SYNJ1: variants seen among roughly 807,000 people sequenced by gnomAD.
The protein encoded by SYNJ1 is synaptojanin 1, also known as polyphosphatidylinositol phosphatase SYNJ1.
A neutral mutation model predicts 168.2 loss-of-function variants in SYNJ1; 78 were observed. The ratio of observed to expected loss-of-function variants is 0.46; its 90% CI spans 0.39 to 0.56. The LOEUF is 0.56. Ranked by LOEUF, SYNJ1 falls within the 20% of genes least tolerant of loss-of-function variation. The pLI is 0.00. For missense variants in SYNJ1, 1,303 were observed against 1,597.6 expected (o/e 0.82, Z 3.14); for synonymous variants, 539 against 548.6 (o/e 0.98, Z 0.24).
chr21:32,721,022 A>C (rs2146377104), intron 2 of SYNJ1, among the ~76,000 whole-genome samples: 1 of 152,354 alleles, frequency 6.6e-6, no homozygotes, highest in South Asian at 2.1e-4. Flanking sequence ...AAAGACTAAG[A>C]ACAATGAATT....
chr21:32,641,834 T>TGACTAGTAGTAAACAGGACTTAGAACC (rs1201598923), intron 29 of SYNJ1, 62 bp downstream of exon 29: 118 of 1,266,778 alleles, frequency 9.3e-5, no homozygotes, highest in Non-Finnish European at 1.3e-4. Context: ...GTAACAAAAC[T>TGACTAGTAGTAAACAGGACTTAGAACC]GACTAGTAGT....
intron 2 of SYNJ1, among the ~76,000 whole-genome samples, chr21:32,712,440 G>C (rs565202015): frequency 7.2e-5 from 11 of 151,926 alleles, no homozygotes; most frequent in African/African-American, 2.7e-4. Flanking sequence ...TATTTTAAAA[G>C]GAAAAGGTTT....
At chr21:32,693,267 G>A (rs1324287415) in intron 6 of SYNJ1, among the ~76,000 whole-genome samples, 1 of 152,064 alleles carries the variant, frequency 6.6e-6, no homozygotes, top group Non-Finnish European at 1.5e-5. Context: ...GGGTTCTGTT[G>A]GCATTCTCTC....
chr21:32,652,052 C>G (rs1242330272), intron 22 of SYNJ1, among the ~76,000 whole-genome samples: 2 of 152,152 alleles, frequency 1.3e-5, no homozygotes, highest in Non-Finnish European at 2.9e-5. Context: ...AGAGAAATTA[C>G]TTCAGAATGG....
chr21:32,719,029 T>C (rs529889888), intron 2 of SYNJ1, among the ~76,000 whole-genome samples: 2 of 152,342 alleles, frequency 1.3e-5, no homozygotes, highest in African/African-American at 2.4e-5. Flanking sequence ...GGTAGGACTA[T>C]GTCATTGGGG....
At chr21:32,721,544 T>C (rs2043220609) in intron 2 of SYNJ1, among the ~76,000 whole-genome samples, 2 of 151,320 alleles carry the variant, frequency 1.3e-5, no homozygotes, top group Admixed American at 1.3e-4. Context: ...CTAGGTGTGG[T>C]GGGGGGCGCC....
intron 2 of SYNJ1, among the ~76,000 whole-genome samples, 176 bp from the exon 3 acceptor site, chr21:32,702,223 T>G (rs1256047880): frequency 6.6e-6 from 1 of 152,228 alleles, no homozygotes; most frequent in African/African-American, 2.4e-5. Context: ...GTTAATAAAT[T>G]ATTCCAAGAC....
At chr21:32,686,052 G>A (rs530067862) in intron 8 of SYNJ1, 135 bp from the exon 9 acceptor site, 16 of 811,126 alleles carry the variant, frequency 2.0e-5, no homozygotes, top group Admixed American at 3.3e-5. Context: ...TGAGAGATAC[G>A]GTGACACAAT....
At chr21:32,685,425 C>CAAAAAA (rs57470866) in intron 9 of SYNJ1, among the ~76,000 whole-genome samples, 23 of 67,224 alleles carry the variant, frequency 3.4e-4, no homozygotes, top group African/African-American at 5.7e-4. Context: ...CCGTCTCTAC[C>CAAAAAA]AAAAAAAAAA....
At chr21:32,668,009 A>ATG (rs3056370) in intron 15 of SYNJ1, among the ~76,000 whole-genome samples, 8,931 of 143,918 alleles carry the variant, frequency 0.062, 321 homozygotes, top group Non-Finnish European at 0.087. Flanking sequence ...AAGAATATAT[A>ATG]TGTGTGTGTG....
intron 11 of SYNJ1, among the ~76,000 whole-genome samples, chr21:32,679,212 T>C (rs899290932): frequency 1.3e-5 from 2 of 152,184 alleles, no homozygotes; most frequent in Admixed American, 6.5e-5. Context: ...TACACTGAGC[T>C]TAACTGCCCC....
intron 17 of SYNJ1, among the ~76,000 whole-genome samples, chr21:32,665,657 A>T (rs2145920673): frequency 1.3e-5 from 2 of 152,302 alleles, no homozygotes; most frequent in East Asian, 3.9e-4. Flanking sequence ...TCTCCCTAAA[A>T]TGTATAAAAG....
intron 22 of SYNJ1, among the ~76,000 whole-genome samples, chr21:32,653,012 C>G (rs1431579923): frequency 1.3e-5 from 2 of 152,186 alleles, no homozygotes; most frequent in Non-Finnish European, 2.9e-5. Context: ...AACTTTAAAA[C>G]TTTTTGCATC....
chr21:32,653,283 C>A lies in SYNJ1; in HGVS notation c.2874+5G>T. 6.2e-7 allele frequency: 1 copy of A among 1,610,386 alleles called. No homozygotes were observed. On this transcript the variant is annotated splice_donor_5th_base_variant and intron_variant, in intron 22 of 32. Transcript: ENST00000674351. Reference sequence around the variant, plus strand: ...ATGGTTTAGAATCAACAAATGCTACCTTACCTCTTTACCATTTAGGCTCAG... The same window carrying A: ...ATGGTTTAGAATCAACAAATGCTACATTACCTCTTTACCATTTAGGCTCAG...
intron 18 of SYNJ1, among the ~76,000 whole-genome samples, chr21:32,658,835 C>T (rs1004574918): frequency 6.6e-6 from 1 of 152,226 alleles, no homozygotes; most frequent in Non-Finnish European, 1.5e-5. Flanking sequence ...CAGTTCCCAC[C>T]TGCGAAGCAG....
At chr21:32,727,232 G>C (rs964061525) in intron 1 of SYNJ1, among the ~76,000 whole-genome samples, 1 of 152,132 alleles carries the variant, frequency 6.6e-6, no homozygotes, top group African/African-American at 2.4e-5. Flanking sequence ...AGCGTATTTC[G>C]TCCGGAGCTG....
At chr21:32,648,283 C>T (rs2040148024) in intron 23 of SYNJ1, among the ~76,000 whole-genome samples, 1 of 152,164 alleles carries the variant, frequency 6.6e-6, no homozygotes, top group African/African-American at 2.4e-5. Context: ...TCTCTTTCCC[C>T]CCAAACTTTC....
At chr21:32,717,761 C>G (rs1601532285) in intron 2 of SYNJ1, among the ~76,000 whole-genome samples, 1 of 152,200 alleles carries the variant, frequency 6.6e-6, no homozygotes, top group African/African-American at 2.4e-5. Context: ...GAGCTGAAGT[C>G]TCAAACGGAG....
chr21:32,670,428 C>A, intron 14 of SYNJ1, 56 bp from the exon 15 acceptor site: 1 of 1,334,042 alleles, frequency 7.5e-7, no homozygotes, highest in Non-Finnish European at 1.1e-6. Context: ...AAATAGCAAC[C>A]CCATCCAACA....
Sources: gnomAD v4.1 joint callset for allele counts (sites outside exome capture counted in the v4.1 genomes callset) on GRCh38, gnomAD v4.1.1 for gene constraint, MANE v1.5 for transcripts, NCBI Gene and HGNC (gene_info 2026-07-23, HGNC 2026-07-21) for gene names.